MTA2: variants seen among roughly 807,000 people sequenced by gnomAD.
MTA2 encodes metastasis-associated protein MTA2.
In MTA2, 22 loss-of-function variants were observed where a neutral mutation model predicts 87.1. The ratio of observed to expected loss-of-function variants is 0.25; its 90% CI spans 0.18 to 0.36. MTA2 has a LOEUF of 0.36. MTA2 is among the 10% of genes least tolerant of loss of function. MTA2 has a pLI of 1.00. For synonymous variants in MTA2, 314 were observed against 310.1 expected (o/e 1.01, Z -0.13); for missense variants, 542 against 853.2 (o/e 0.64, Z 4.54).
intron 6 of MTA2, 79 bp from the exon 7 acceptor site, chr11:62,597,791 C>T: frequency 1.7e-6 from 2 of 1,155,422 alleles, no homozygotes; most frequent in South Asian, 2.7e-5. Flanking sequence ...AATAGCACCT[C>T]CTCCTTCTCT....
chr11:62,601,294 G>A (rs2134329535), intron 1 of MTA2, 129 bp downstream of exon 1: 1 of 1,202,572 alleles, frequency 8.3e-7, no homozygotes, highest in Non-Finnish European at 1.2e-6. Context: ...TCCCGGTTCC[G>A]GTTCCGGTCC....
Position 62,596,348 on chromosome 11 carries a change from GTAAAAA to G in MTA2, c.958-17_958-12del, listed in dbSNP as rs752250777. ...AGCTTTCAACCTTTTCTGTAAGAAGGTAAAAAGAAAGAGAAGGATCAGAGCCTCATA... is the reference window on the plus strand; with the variant it reads ...AGCTTTCAACCTTTTCTGTAAGAAGGGAAAGAGAAGGATCAGAGCCTCATA... On this transcript the variant is annotated splice_polypyrimidine_tract_variant and intron_variant, in intron 10 of 17. Coordinates refer to ENST00000278823, the MANE Select transcript of MTA2 (RefSeq NM_004739.4). 224 of 1,613,980 alleles carry G rather than the reference GTAAAAA, an allele frequency of 1.4e-4. 1 individual carries two copies. The highest frequency in any genetic ancestry group is 1.8e-4 in the Non-Finnish European group (213 of 1,180,000).
chr11:62,598,396 G>A lies in MTA2; in HGVS notation c.309-6C>T. ...GGGTCACACTGCATTTCCCCCTATA[G>A]GAGAGAGATTGGAAAACCCCGGTGA... On this transcript the variant is annotated splice_polypyrimidine_tract_variant and splice_region_variant and intron_variant, in intron 4 of 17. Transcript: ENST00000278823. The A allele has an allele frequency of 6.2e-7, 1 of 1,613,982 alleles. No homozygotes were observed. The highest frequency in any genetic ancestry group is 8.5e-7 in the Non-Finnish European group (1 of 1,179,946).
intron 6 of MTA2, 134 bp downstream of exon 6, chr11:62,597,890 A>T: frequency 9.9e-7 from 1 of 1,013,964 alleles, no homozygotes; most frequent in African/African-American, 1.6e-5. Flanking sequence ...CCATTCTGTC[A>T]GGGTCATGGC....
rs749023126 is a variant in MTA2, at chr11:62,594,943, G to A, written c.1573+38C>T. On this transcript the variant is annotated intron_variant, in intron 15 of 17. Coordinates refer to ENST00000278823, the MANE Select transcript of MTA2 (RefSeq NM_004739.4). ...GAGATGTCAGACAGGGAAAGGACTG[G>A]GAGCCTGATGCCAACCTCACTGGTC... 78 of 1,578,164 alleles carry A rather than the reference G, an allele frequency of 4.9e-5. 3 individuals are homozygous for A. The South Asian group carries it at 7.3e-4, about 15-fold the overall frequency.
Position 62,593,667 on chromosome 11 carries a change from G to A in MTA2, c.*208C>T, listed in dbSNP as rs1282990981. 3 of 596,344 alleles carry A rather than the reference G, an allele frequency of 5.0e-6. No individual in the cohort carries two copies. The highest frequency in any genetic ancestry group is 8.6e-6 in the Non-Finnish European group (3 of 347,784). The allele number at this position is 596,344 out of a possible 1,614,324, so 36.9% of individuals were successfully genotyped here. The stretch of plus-strand genomic sequence containing the variant: ...TTCCCACATGGGCCAAGTTCCTGCA[G>A]TCTGTCCTCCATCGGCAAGCATGGA... On this transcript the variant is annotated 3_prime_UTR_variant, in exon 18 of 18. Coordinates refer to ENST00000278823, the MANE Select transcript of MTA2 (RefSeq NM_004739.4).
At position 62,600,194 on chromosome 11, in the gene MTA2, G is replaced by A. The variant is rs760205124; in HGVS notation, c.162C>T (p.Ser54=). Residue 54 remains serine, a synonymous_variant, in exon 3 of 18, where the codon AGC becomes AGT. Coordinates refer to ENST00000278823, the MANE Select transcript of MTA2 (RefSeq NM_004739.4). ...CLFRRRDISS[S]LNSLADSNAR... ...CATTACTATCAGCCAGGCTGTTGAG[G>A]CTACTAGAAATGTCCCTGCGCCGGA... 1.9e-6 allele frequency: 3 copies of A among 1,614,168 alleles called. No homozygotes were observed. The East Asian group carries it at 6.7e-5, about 36-fold the overall frequency.
Position 62,597,421 on chromosome 11 carries a change from G to C in MTA2, c.594-6C>G. Reference sequence around the variant, plus strand: ...TTGCAAAGGTTCCCACAGCTCTAAGGGAGAAATTGAGAAGTCAAAAGCGAA... The same window carrying C: ...TTGCAAAGGTTCCCACAGCTCTAAGCGAGAAATTGAGAAGTCAAAAGCGAA... On this transcript the variant is annotated splice_region_variant and splice_polypyrimidine_tract_variant and intron_variant, in intron 7 of 17. Coordinates refer to ENST00000278823, the MANE Select transcript of MTA2 (RefSeq NM_004739.4). 1 of 1,606,566 alleles carries C rather than the reference G, an allele frequency of 6.2e-7. No individual in the cohort carries two copies. Among genetic ancestry groups the C allele is most frequent in the Non-Finnish European group, 8.5e-7 (1 of 1,177,192 alleles).
intron 15 of MTA2, 115 bp from the exon 16 acceptor site, chr11:62,594,749 G>A (rs939818231): frequency 2.0e-6 from 2 of 1,008,400 alleles, no homozygotes; most frequent in Non-Finnish European, 3.0e-6. Flanking sequence ...AAGTAGCAAT[G>A]GGGGAATGTT....
rs558026573 is a variant in MTA2 at position 62,595,643 on chromosome 11, C to T, written c.1254+109G>A. On this transcript the variant is annotated intron_variant, in intron 13 of 17. Transcript: ENST00000278823. The surrounding 1 kb of genome is among the most constrained non-coding windows in gnomAD (Gnocchi z 4.9). Reference sequence around the variant, plus strand: ...TCTCCCCAACCAGCATCAAGCACCCCGTCCATCAAACCATCACCATATAAA... The same window carrying T: ...TCTCCCCAACCAGCATCAAGCACCCTGTCCATCAAACCATCACCATATAAA... 80 of 1,540,846 alleles carry T rather than the reference C, an allele frequency of 5.2e-5. No individual in the cohort carries two copies. The highest frequency in any genetic ancestry group is 7.1e-5 in the Non-Finnish European group (80 of 1,132,906).
chr11:62,598,001 TAC>T (rs760656890), intron 6 of MTA2, 21 bp downstream of exon 6: 2 of 1,588,452 alleles, frequency 1.3e-6, no homozygotes, highest in Non-Finnish European at 8.6e-7. Flanking sequence ...CTGGTAGCCG[TAC>T]AGTCTTGTCC....
intron 2 of MTA2, 110 bp downstream of exon 2, chr11:62,600,512 T>A: frequency 9.6e-7 from 1 of 1,040,454 alleles, no homozygotes; most frequent in Non-Finnish European, 1.4e-6. Flanking sequence ...AATGAATGAA[T>A]GAACGAATAT....
chr11:62,598,675 T>G, intron 3 of MTA2, 36 bp from the exon 4 acceptor site: 1 of 1,577,194 alleles, frequency 6.3e-7, no homozygotes, highest in Non-Finnish European at 8.7e-7. Context: ...AAGTCAGAAA[T>G]GGATCCAGCA....
intron 15 of MTA2, 80 bp downstream of exon 15, chr11:62,594,901 G>A: frequency 7.5e-7 from 1 of 1,325,356 alleles, no homozygotes; most frequent in East Asian, 2.3e-5. Context: ...CTATGAGGAA[G>A]AAAAAAAGCA....
At chr11:62,597,206 C>A (rs1452663704) in intron 8 of MTA2, 110 bp downstream of exon 8, 19 of 658,764 alleles carry the variant, frequency 2.9e-5, no homozygotes, top group South Asian at 1.3e-4. Flanking sequence ...ACAAAACAAA[C>A]AAAAAAAAAA....
rs1942093001 is a variant in MTA2 at position 62,595,957 on chromosome 11, G to A, written c.1114+53C>T. 6.2e-7 allele frequency: 1 copy of A among 1,613,898 alleles called. No individual in the cohort carries two copies. Among genetic ancestry groups the A allele is most frequent in the Non-Finnish European group, 8.5e-7 (1 of 1,179,900 alleles). ...CTACCTAAGCCCCTCAGATTCTTGA[G>A]CCACAGCAGGCCTTCCACCCATCCC... On this transcript the variant is annotated intron_variant, in intron 12 of 17. Coordinates refer to ENST00000278823, the MANE Select transcript of MTA2 (RefSeq NM_004739.4). This position sits in a 1 kb window ranked among gnomAD's most constrained non-coding sequence, Gnocchi z 4.9.
At chr11:62,594,905 A>G (rs1942077355) in intron 15 of MTA2, 76 bp downstream of exon 15, 3 of 1,362,138 alleles carry the variant, frequency 2.2e-6, no homozygotes, top group Admixed American at 2.0e-5. Flanking sequence ...GAGGAAGAAA[A>G]AAAGCAAGGG....
rs768780324 is a variant in MTA2, at chr11:62,595,441, G to T, written c.1306C>A (p.Pro436Thr). The change falls in exon 14 of 18, where the codon CCT becomes ACT. Residue 436 changes from proline (P) to threonine (T), a missense_variant. Pro to Thr is a conservative substitution (Grantham distance 38). Around this residue, in one of 6 missense-constraint regions of MTA2, gnomAD observed 269 missense variants for 346.4 expected, o/e 0.78. Coordinates refer to ENST00000278823, the MANE Select transcript of MTA2 (RefSeq NM_004739.4). The surrounding 1 kb of genome is among the most constrained non-coding windows in gnomAD (Gnocchi z 4.9). Reference protein sequence around the residue: ...LSRPEAQSLSPYTTSANRAKL... With the variant: ...LSRPEAQSLSTYTTSANRAKL... The stretch of plus-strand genomic sequence containing the variant: ...GCCCTGTTGGCGCTGGTTGTGTAAG[G>T]AGAGAGACTTTGAGCTTCAGGTCTG... 5.0e-6 allele frequency: 8 copies of T among 1,614,116 alleles called. No individual in the cohort carries two copies. The highest frequency in any genetic ancestry group is 5.9e-6 in the Non-Finnish European group (7 of 1,180,050).
intron 8 of MTA2, 135 bp from the exon 9 acceptor site, chr11:62,596,960 CG>C: frequency 1.2e-6 from 1 of 814,838 alleles, no homozygotes; most frequent in African/African-American, 1.7e-5. Flanking sequence ...GAAGCGGAGG[CG>C]GGCAGATCAC....
Sources: allele counts gnomAD v4.1 joint callset, GRCh38; gene constraint gnomAD v4.1.1; regional missense constraint gnomAD v4.1.1; non-coding constraint Gnocchi (gnomAD v3.1); transcripts MANE v1.5; gene names NCBI Gene and HGNC (gene_info 2026-07-23, HGNC 2026-07-21).